LMNTD2: variants seen among roughly 807,000 people sequenced by gnomAD.
The protein encoded by LMNTD2 is lamin tail domain containing 2.
A neutral mutation model predicts 70.1 loss-of-function variants in LMNTD2; 83 were observed. The ratio of observed to expected loss-of-function variants is 1.18; its 90% CI spans 0.99 to 1.42. The LOEUF (loss-of-function observed/expected upper bound fraction) is 1.42. Ranked by LOEUF, LMNTD2 falls within the 40% of genes most tolerant of loss-of-function variation. The probability of loss-of-function intolerance (pLI) is 0.00; values close to 1 mark genes in which losing one functional copy is unlikely to be tolerated. For synonymous variants in LMNTD2, 534 were observed against 406.1 expected (o/e 1.31, Z -3.79); for missense variants, 1,153 against 905.9 (o/e 1.27, Z -3.50).
chr11:555,785 G>A lies in LMNTD2; in HGVS notation c.1523C>T (p.Pro508Leu), dbSNP rs1426333165. The A allele has an allele frequency of 1.1e-5, 16 of 1,507,028 alleles. No individual in the cohort carries two copies. The highest frequency in any genetic ancestry group is 1.3e-5 in the South Asian group (1 of 78,882). 93.4% of individuals were successfully genotyped at this position (1,507,028 alleles called of 1,614,324 possible). ...CTCCCGCACCCGGCCTTTGCGCAGG[G>A]GTCGAGGTGGGCGCGGCGGCTTGCG... ...DTRKPPRPPR[P>L]LRKGRVREPR... Residue 508 changes from proline (P) to leucine (L), a missense_variant, in exon 12 of 14, where the codon CCC (proline) becomes CTC (leucine). Transcript: ENST00000329451.
At chr11:559,137 C>T (rs1376137997) in intron 1 of LMNTD2, 158 bp from the exon 2 acceptor site, 12 of 1,467,918 alleles carry the variant, frequency 8.2e-6, no homozygotes, top group Middle Eastern at 1.8e-4. Context: ...CAGGCGTCAC[C>T]ACTTACTCAC....
At chr11:557,305 G>A (rs1564816875) in intron 7 of LMNTD2, 94 bp downstream of exon 7, 3 of 1,445,302 alleles carry the variant, frequency 2.1e-6, no homozygotes, top group Admixed American at 2.0e-5. Context: ...ACTTATCCAG[G>A]GACACTAAAT....
chr11:555,159 G>T (rs1159521046), intron 13 of LMNTD2, 48 bp from the exon 14 acceptor site: 3 of 561,116 alleles, frequency 5.3e-6, no homozygotes, highest in Non-Finnish European at 7.8e-6. Flanking sequence ...GCGGGGACGG[G>T]AGGGGAGGGG....
chr11:560,370 C>T, intron 1 of LMNTD2: 2 of 1,188,880 alleles, frequency 1.7e-6, no homozygotes, highest in Non-Finnish European at 2.1e-6. Context: ...GGAGAAGAGC[C>T]TCAGCTAGAG....
At position 558,171 on chromosome 11, in the gene LMNTD2, C is replaced by T. The variant is rs199618109; in HGVS notation, c.389G>A (p.Arg130Gln). Residue 130 changes from arginine (R) to glutamine (Q), a missense_variant, in exon 4 of 14, where the codon CGA becomes CAA. Physicochemically the swap from Arg to Gln is conservative, Grantham distance 43. Coordinates refer to ENST00000329451, the MANE Select transcript of LMNTD2 (RefSeq NM_173573.3). The part of the protein sequence containing the change: ...LIQELKEQKE[R>Q]AQWEKEHLEE... ...GTGCCCCTGCCTCACCCACTGGGCT[C>T]GCTCCTTCTGTTCCTTCAACTCCTG... The T allele has an allele frequency of 3.7e-5, 59 of 1,613,472 alleles. No individual in the cohort carries two copies. The Middle Eastern group carries it at 1.3e-3, about 36-fold the overall frequency.
At position 558,224 on chromosome 11, in the gene LMNTD2, G is replaced by T. The variant is rs1342539499; in HGVS notation, c.336C>A (p.Leu112=). 1.2e-6 allele frequency: 2 copies of T among 1,613,440 alleles called. No homozygotes were observed. The highest frequency in any genetic ancestry group is 8.5e-7 in the Non-Finnish European group (1 of 1,179,874). Residue 112 remains leucine (L), a synonymous_variant, in exon 4 of 14, where the codon CTC becomes CTA. Coordinates refer to ENST00000329451, the MANE Select transcript of LMNTD2 (RefSeq NM_173573.3). ...PKRSSHSQEK[L]LQNQVQKLIQ... ...TCAGCTTCTGGACCTGGTTCTGCAG[G>T]AGTTTCTCCTGACTGTGGGAGCTCC... is the stretch of plus-strand genomic sequence containing the variant.
rs73403418 is a variant in LMNTD2 at position 557,976 on chromosome 11, C to T, written c.463G>A (p.Glu155Lys). 6.0e-4 allele frequency: 954 copies of T among 1,600,064 alleles called. 6 individuals are homozygous for T. The African/African-American group carries it at 0.011, about 18-fold the overall frequency. ...CAGGACTTCTGCAAGTTCTGCAGCT[C>T]GGCCTCCATCTCCTGGAGCGTGCGG... ...TTRTLQEMEAELQNLQKSCLL... is the reference protein window; with the variant it reads ...TTRTLQEMEAKLQNLQKSCLL... The change falls in exon 5 of 14, where the codon GAG (glutamate) becomes AAG (lysine). Residue 155 changes from glutamate (E) to lysine (K), a missense_variant. Glu to Lys is a moderately conservative substitution (Grantham distance 56, BLOSUM62 1). Coordinates refer to ENST00000329451, the MANE Select transcript of LMNTD2 (RefSeq NM_173573.3).
intron 2 of LMNTD2, 39 bp from the exon 3 acceptor site, chr11:558,805 C>G (rs780442258): frequency 1.2e-5 from 19 of 1,597,210 alleles, no homozygotes; most frequent in Non-Finnish European, 1.5e-5. Context: ...CTCAGGCCGG[C>G]CCCTGGCCAC....
At position 556,479 on chromosome 11, in the gene LMNTD2, A is replaced by T; in HGVS notation, c.1073+13T>A. 1 of 1,549,934 alleles carries T rather than the reference A, an allele frequency of 6.5e-7. No homozygotes were observed. Among genetic ancestry groups the T allele is most frequent in the Non-Finnish European group, 8.7e-7 (1 of 1,146,850 alleles). ...CAGTCCGGCGCCGGAGGCTTGGGTCACTCGCCCCTTACCTCTGCAGGAGTT... is the reference window on the plus strand; with the variant it reads ...CAGTCCGGCGCCGGAGGCTTGGGTCTCTCGCCCCTTACCTCTGCAGGAGTT... On this transcript the variant is annotated intron_variant, in intron 9 of 13. Transcript: ENST00000329451.
chr11:557,276 G>A (rs1446833680), intron 7 of LMNTD2, 123 bp downstream of exon 7: 22 of 1,366,626 alleles, frequency 1.6e-5, no homozygotes, highest in African/African-American at 2.9e-5. Context: ...CAGAGAACGC[G>A]CATTGGAAGG....
Position 560,694 on chromosome 11 carries a change from C to T in LMNTD2, c.23G>A (p.Gly8Asp). MRWLRPA[G>D]RRREQESVSG... Reference sequence around the variant, plus strand: ...GGCCAGACACCTACCCCGACGCCTGCCCGCGGGCCGCAGCCACCGCATTTC... The same window carrying T: ...GGCCAGACACCTACCCCGACGCCTGTCCGCGGGCCGCAGCCACCGCATTTC... Residue 8 changes from glycine to aspartate, a missense_variant, in exon 1 of 14, where the codon GGC (glycine) becomes GAC (aspartate). Physicochemically the swap from Gly to Asp is moderately conservative, Grantham distance 94. Transcript: ENST00000329451. The T allele has an allele frequency of 1.4e-6, 2 of 1,441,572 alleles. No individual in the cohort carries two copies. Among genetic ancestry groups the T allele is most frequent in the Non-Finnish European group, 1.8e-6 (2 of 1,089,590 alleles). The allele number at this position is 1,441,572 out of a possible 1,614,324, so 89.3% of individuals were successfully genotyped here.
At position 557,248 on chromosome 11, in the gene LMNTD2, C is replaced by T. The variant is rs1852947889; in HGVS notation, c.713+151G>A. 2.8e-5 allele frequency: 38 copies of T among 1,373,456 alleles called. 1 individual carries two copies. The South Asian group carries it at 4.6e-4, about 17-fold the overall frequency. 85.1% of individuals were successfully genotyped at this position (1,373,456 alleles called of 1,614,324 possible). ...CAGGACAGTGATGGCTGCCTCAACC[C>T]CAACGCATTCTACAGATCAGAGAAC... On this transcript the variant is annotated intron_variant, in intron 7 of 13. Transcript: ENST00000329451.
Position 557,393 on chromosome 11 carries a change from A to C in LMNTD2, c.713+6T>G. The stretch of plus-strand genomic sequence containing the variant: ...CCCCTGGGGAGTCCCTGCTCTGTGC[A>C]GTTACTTTTGCTTTGAGCTGGGCTC... On this transcript the variant is annotated splice_donor_region_variant and intron_variant, in intron 7 of 13. Transcript: ENST00000329451. 2 of 1,594,650 alleles carry C rather than the reference A, an allele frequency of 1.3e-6. No homozygotes were observed. The highest frequency in any genetic ancestry group is 1.7e-6 in the Non-Finnish European group (2 of 1,170,130).
chr11:560,508 A>G (rs374830745), intron 1 of LMNTD2, 175 bp downstream of exon 1: 5 of 1,269,416 alleles, frequency 3.9e-6, no homozygotes, highest in African/African-American at 3.1e-5. Flanking sequence ...AGACTACTGC[A>G]GCTGCGGTAG....
intron 13 of LMNTD2, 71 bp from the exon 14 acceptor site, chr11:555,182 G>GGGAGGGACGGGGAGGAGAGC (rs1852741020): frequency 8.3e-6 from 2 of 240,424 alleles, no homozygotes; most frequent in Non-Finnish European, 1.3e-5. Flanking sequence ...GGGAGGAGAG[G>GGGAGGGACGGGGAGGAGAGC]GGAGGGGCGG....
intron 9 of LMNTD2, 33 bp from the exon 10 acceptor site, chr11:556,408 G>T: frequency 6.5e-7 from 1 of 1,540,566 alleles, no homozygotes; most frequent in South Asian, 1.2e-5. Flanking sequence ...GAGGAGATGC[G>T]GCCGGTCCAC....
chr11:557,450 G>A lies in LMNTD2; in HGVS notation c.662C>T (p.Ala221Val), dbSNP rs757863407. 1 of 1,609,784 alleles carries A rather than the reference G, an allele frequency of 6.2e-7. No homozygotes were observed. Among genetic ancestry groups the A allele is most frequent in the South Asian group, 1.1e-5 (1 of 90,532 alleles). ...RLEDVDWNSVARRYPNLFTNM... is the reference protein window; with the variant it reads ...RLEDVDWNSVVRRYPNLFTNM... ...GGTGAAGAGGTTGGGATACCGGCGG[G>A]CAACGCTGTTCCAATCCACGTCCTC... The change falls in exon 7 of 14, where the codon GCC becomes GTC. Residue 221 changes from alanine (A) to valine (V), a missense_variant. Transcript: ENST00000329451.
intron 1 of LMNTD2, 65 bp from the exon 2 acceptor site, chr11:559,044 T>G: frequency 6.3e-7 from 1 of 1,575,070 alleles, no homozygotes; most frequent in South Asian, 1.1e-5. Context: ...TGGGGGCCAT[T>G]CTCAATGTTC....
At chr11:555,218 A>T in intron 13 of LMNTD2, 87 bp downstream of exon 13, 2 of 629,360 alleles carry the variant, frequency 3.2e-6, no homozygotes, top group Non-Finnish European at 3.9e-6. Flanking sequence ...GGAGGGGACG[A>T]GGAGACAGAG....
Sources: gnomAD v4.1 joint callset for allele counts on GRCh38, gnomAD v4.1.1 for gene constraint, MANE v1.5 for transcripts, NCBI Gene and HGNC (gene_info 2026-07-23, HGNC 2026-07-21) for gene names.